The following CADM2 variants were observed in gnomAD, a reference collection of about 807,000 sequenced individuals.
CADM2 encodes the protein immunoglobulin superfamily member 4D.
In CADM2, 12 loss-of-function variants were observed where a neutral mutation model predicts 49.8. The ratio of observed to expected loss-of-function variants is 0.24; its 90% CI spans 0.15 to 0.39. The LOEUF (loss-of-function observed/expected upper bound fraction) is 0.39, where lower values mean the gene tolerates loss of function less well. Ranked by LOEUF, CADM2 falls within the 10% of genes least tolerant of loss-of-function variation. The probability of loss-of-function intolerance (pLI) is 1.00; values close to 1 mark genes in which losing one functional copy is unlikely to be tolerated. For missense variants in CADM2, 378 were observed against 492.3 expected, an observed-to-expected ratio of 0.77 and a Z score of 2.20; for synonymous variants, 214 against 175.4, an observed-to-expected ratio of 1.22 and a Z score of -1.74.
At chr3:85,815,548 C>T (rs2073156554) in intron 3 of CADM2, among the ~76,000 whole-genome samples, 1 of 152,128 alleles carries the variant, frequency 6.6e-6, no homozygotes, top group African/African-American at 2.4e-5. Context: ...TTCAACAGCT[C>T]TTCATGCTAA....
chr3:85,775,781 A>G (rs1355379535), intron 2 of CADM2, among the ~76,000 whole-genome samples: 4 of 151,884 alleles, frequency 2.6e-5, no homozygotes, highest in Admixed American at 2.6e-4. Flanking sequence ...TTATACTCTC[A>G]TTTATGAGAA....
chr3:85,174,527 T>TAC (rs2040723531), intron 1 of CADM2, among the ~76,000 whole-genome samples: 1 of 150,754 alleles, frequency 6.6e-6, no homozygotes, highest in Non-Finnish European at 1.5e-5. Context: ...AATATATATA[T>TAC]ATACACATAT....
chr3:85,994,394 A>C lies in CADM2; in HGVS notation c.970+32747A>C, dbSNP rs1729119755. ...TTGGTTTAAGAGAATGCTGTGGCAG[A>C]TTTGGTCTTAATCAAGACCACTTAA... On this transcript the variant is annotated intron_variant, in intron 8 of 9. Transcript: ENST00000383699. 1.3e-5 allele frequency: 2 copies of C among 152,226 alleles called. 1 individual carries two copies. The highest frequency in any genetic ancestry group is 1.3e-4 in the Admixed American group (2 of 15,280). 9.4% of individuals were successfully genotyped at this position (152,226 alleles called of 1,614,324 possible).
At chr3:85,558,776 C>T (rs1406886618) in intron 1 of CADM2, among the ~76,000 whole-genome samples, 1 of 152,038 alleles carries the variant, frequency 6.6e-6, no homozygotes, top group Non-Finnish European at 1.5e-5. Flanking sequence ...CAGATGGCAT[C>T]TTAACCCCAT....
At chr3:85,233,514 G>C (rs1195693588) in intron 1 of CADM2, among the ~76,000 whole-genome samples, 3 of 152,110 alleles carry the variant, frequency 2.0e-5, no homozygotes, top group African/African-American at 7.2e-5. Flanking sequence ...TTCTGGGTCA[G>C]TTTGCAGAAA....
intron 1 of CADM2, among the ~76,000 whole-genome samples, chr3:85,282,208 G>T (rs975484754): frequency 1.4e-5 from 2 of 144,886 alleles, no homozygotes; most frequent in Admixed American, 1.4e-4. Flanking sequence ...ATTATTGTCT[G>T]TGCTGCCAAA....
chr3:85,799,989 G>C (rs778467732), intron 2 of CADM2: 1 of 152,254 alleles, frequency 6.6e-6, no homozygotes, highest in Non-Finnish European at 1.5e-5. Context: ...ACCCACAGCC[G>C]TCCCTTTCCC....
chr3:85,638,917 T>C (rs554257616), intron 1 of CADM2, among the ~76,000 whole-genome samples: 1 of 152,234 alleles, frequency 6.6e-6, no homozygotes, highest in African/African-American at 2.4e-5. Context: ...GTTTTTTCTG[T>C]TTTTGTTTTG....
chr3:85,971,726 C>A (rs1016104037), intron 8 of CADM2, among the ~76,000 whole-genome samples: 2 of 151,430 alleles, frequency 1.3e-5, no homozygotes, highest in African/African-American at 4.8e-5. Context: ...GCATTTTTTT[C>A]ATACTTGAAA....
At chr3:85,018,876 G>T (rs143675888) in intron 1 of CADM2, among the ~76,000 whole-genome samples, 1 of 152,190 alleles carries the variant, frequency 6.6e-6, no homozygotes, top group Admixed American at 6.5e-5. Context: ...TTACTCATCT[G>T]ATAAGACATG....
intron 1 of CADM2, among the ~76,000 whole-genome samples, chr3:85,457,051 T>C (rs1236384431): frequency 6.6e-6 from 1 of 152,176 alleles, no homozygotes; most frequent in African/African-American, 2.4e-5. Flanking sequence ...TAATCAGGCA[T>C]GTTTTTGGCA....
chr3:85,611,808 G>C (rs1559942381), intron 1 of CADM2, among the ~76,000 whole-genome samples: 1 of 151,432 alleles, frequency 6.6e-6, no homozygotes, highest in Non-Finnish European at 1.5e-5. Context: ...GTGTGTTGAG[G>C]GACACATGTA....
intron 7 of CADM2, among the ~76,000 whole-genome samples, chr3:85,946,556 G>A (rs1446191037): frequency 6.6e-6 from 1 of 151,798 alleles, no homozygotes; most frequent in Non-Finnish European, 1.5e-5. Context: ...AAACAGCATG[G>A]TACTGGTACC....
At chr3:85,548,049 GC>G (rs1434179944) in intron 1 of CADM2, among the ~76,000 whole-genome samples, 1 of 151,750 alleles carries the variant, frequency 6.6e-6, no homozygotes. Flanking sequence ...TTGTAAACTA[GC>G]CTCCGTCACT....
chr3:85,991,809 C>A (rs928388653), intron 8 of CADM2, among the ~76,000 whole-genome samples: 7 of 151,986 alleles, frequency 4.6e-5, no homozygotes, highest in Non-Finnish European at 1.0e-4. Flanking sequence ...ATACCATTTT[C>A]GTGTTAAAAT....
intron 1 of CADM2, among the ~76,000 whole-genome samples, chr3:85,334,017 T>G (rs1186434247): frequency 6.6e-6 from 1 of 151,694 alleles, no homozygotes; most frequent in Non-Finnish European, 1.5e-5. Flanking sequence ...TTTATTTCCC[T>G]TAAATATAAA....
rs1379515711 is a variant in CADM2 at position 85,726,469 on chromosome 3, T to C, written c.62-53T>C. The C allele has an allele frequency of 3.1e-6, 5 of 1,599,154 alleles. No individual in the cohort carries two copies. The South Asian group carries it at 4.4e-5, about 14-fold the overall frequency. On this transcript the variant is annotated intron_variant, in intron 1 of 9. Coordinates refer to ENST00000383699, the MANE Select transcript of CADM2 (RefSeq NM_001167675.2). ...CTCTGCTTTCTTACTAGAGAATCTG[T>C]CTAATATCTAATATGTTTGTTCTCT...
chr3:85,157,403 C>CA (rs2040164557), intron 1 of CADM2, among the ~76,000 whole-genome samples: 1 of 151,978 alleles, frequency 6.6e-6, no homozygotes, highest in Non-Finnish European at 1.5e-5. Context: ...GCCAAAAGAA[C>CA]AAAGCTGGAG....
At chr3:85,211,115 C>A (rs1202574314) in intron 1 of CADM2, among the ~76,000 whole-genome samples, 3 of 152,022 alleles carry the variant, frequency 2.0e-5, no homozygotes, top group Non-Finnish European at 4.4e-5. Flanking sequence ...CTTTTAATTT[C>A]TGTGTTATCA....
Sources: allele counts gnomAD v4.1 joint callset (sites outside exome capture counted in the v4.1 genomes callset), GRCh38; gene constraint gnomAD v4.1.1; transcripts MANE v1.5; gene names NCBI Gene and HGNC (gene_info 2026-07-23, HGNC 2026-07-21).